Variants in MATCAP2 observed in about 807,000 individuals in gnomAD.
MATCAP2 encodes microtubule associated tyrosine carboxypeptidase 2.
chr7:36,357,677 T>G, the MATCAP2 span: 4 of 959,108 alleles, frequency 4.2e-6, no homozygotes, highest in Non-Finnish European at 6.1e-6. Context: ...ATTCTGAAGA[T>G]TCTATAAACT....
At chr7:36,373,661 G>C in the MATCAP2 span, among the ~76,000 whole-genome samples, 1 of 152,038 alleles carries the variant, frequency 6.6e-6, no homozygotes, top group African/African-American at 2.4e-5. Context: ...GCCTAGACTA[G>C]TCTGGGACTC....
the MATCAP2 span, among the ~76,000 whole-genome samples, chr7:36,342,447 A>C: frequency 0.3 from 45,290 of 151,994 alleles, 7,458 homozygotes; most frequent in South Asian, 0.5. Context: ...ATATTGCAGA[A>C]CACCACCACA....
the MATCAP2 span, among the ~76,000 whole-genome samples, chr7:36,373,104 A>C: frequency 1.7e-4 from 1 of 5,896 alleles, no homozygotes; most frequent in South Asian, 8.2e-3. Flanking sequence ...GACTTCATCT[A>C]AAAAAAAAAA....
chr7:36,367,635 G>A, the MATCAP2 span, among the ~76,000 whole-genome samples: 32 of 152,188 alleles, frequency 2.1e-4, no homozygotes, highest in African/African-American at 6.5e-4. Context: ...ACCACTTGAC[G>A]GTACCTCAGC....
At chr7:36,332,892 A>T in the MATCAP2 span, among the ~76,000 whole-genome samples, 17 of 152,000 alleles carry the variant, frequency 1.1e-4, no homozygotes, top group Non-Finnish European at 2.2e-4. Context: ...GCACCATTGT[A>T]CTCCAGACTA....
chr7:36,352,305 G>C, the MATCAP2 span, among the ~76,000 whole-genome samples: 1 of 150,254 alleles, frequency 6.7e-6, no homozygotes, highest in South Asian at 2.1e-4. Flanking sequence ...GACGAGGCAG[G>C]AGAATCGCTT....
the MATCAP2 span, among the ~76,000 whole-genome samples, chr7:36,351,422 A>G: frequency 5.9e-5 from 9 of 152,058 alleles, no homozygotes; most frequent in Non-Finnish European, 1.2e-4. Flanking sequence ...ATAAAATATG[A>G]AGTCTATAAA....
chr7:36,382,756 G>A, the MATCAP2 span, among the ~76,000 whole-genome samples: 1 of 152,202 alleles, frequency 6.6e-6, no homozygotes, highest in East Asian at 1.9e-4. Flanking sequence ...GCCTCCCTAA[G>A]TGCTGGGATT....
At chr7:36,359,722 A>G in the MATCAP2 span, among the ~76,000 whole-genome samples, 2 of 152,232 alleles carry the variant, frequency 1.3e-5, no homozygotes, top group African/African-American at 4.8e-5. Flanking sequence ...CGTTCATCAT[A>G]GGCTGGTAGC....
chr7:36,373,866 C>T, the MATCAP2 span, among the ~76,000 whole-genome samples: 3 of 151,964 alleles, frequency 2.0e-5, no homozygotes, highest in Non-Finnish European at 4.4e-5. Flanking sequence ...CTCACTGCAA[C>T]TTCCATCTCC....
chr7:36,341,246 T>C, the MATCAP2 span, among the ~76,000 whole-genome samples: 1 of 152,098 alleles, frequency 6.6e-6, no homozygotes, highest in Non-Finnish European at 1.5e-5. Flanking sequence ...GTCAAACCTC[T>C]CTCTTCTCCA....
chr7:36,367,143 C>G, the MATCAP2 span: 3 of 1,221,586 alleles, frequency 2.5e-6, no homozygotes, highest in Non-Finnish European at 3.1e-6. Flanking sequence ...TTCCACCAGC[C>G]CGTAGCTACT....
chr7:36,356,866 TA>T, the MATCAP2 span: 1 of 1,515,362 alleles, frequency 6.6e-7, no homozygotes, highest in Non-Finnish European at 9.2e-7. Context: ...TTTTAGTACA[TA>T]AAAATGAACT....
the MATCAP2 span, among the ~76,000 whole-genome samples, chr7:36,358,192 T>C: frequency 6.6e-6 from 1 of 150,874 alleles, no homozygotes; most frequent in East Asian, 1.9e-4. Context: ...AGTGAGACCC[T>C]ATCTTAAAAA....
At chr7:36,364,913 T>C in the MATCAP2 span, among the ~76,000 whole-genome samples, 1 of 152,262 alleles carries the variant, frequency 6.6e-6, no homozygotes, top group Non-Finnish European at 1.5e-5. Flanking sequence ...TGGTCTCAAA[T>C]GGCTATTTGA....
the MATCAP2 span, among the ~76,000 whole-genome samples, chr7:36,379,064 T>C: frequency 2.0e-5 from 3 of 152,220 alleles, no homozygotes; most frequent in Non-Finnish European, 4.4e-5. Flanking sequence ...CTGGGTGAGG[T>C]GATGCCCTGC....
the MATCAP2 span, among the ~76,000 whole-genome samples, chr7:36,381,424 A>G: frequency 1.3e-5 from 2 of 152,124 alleles, no homozygotes; most frequent in Non-Finnish European, 2.9e-5. Flanking sequence ...TAATCCCATC[A>G]CTTTGGGAAG....
At chr7:36,344,142 A>G in the MATCAP2 span, among the ~76,000 whole-genome samples, 3 of 152,220 alleles carry the variant, frequency 2.0e-5, no homozygotes, top group African/African-American at 7.2e-5. Context: ...ACTGAAAAAG[A>G]AACACTCTCC....
chr7:36,374,073 T>C, the MATCAP2 span, among the ~76,000 whole-genome samples: 34 of 151,658 alleles, frequency 2.2e-4, no homozygotes, highest in Middle Eastern at 6.9e-3. Context: ...TGCCTGGCCA[T>C]TTTATTTTAT....
Sources: gnomAD v4.1 joint callset for allele counts (sites outside exome capture counted in the v4.1 genomes callset) on GRCh38, gnomAD v4.1.1 for gene constraint, MANE v1.5 for transcripts, NCBI Gene and HGNC (gene_info 2026-07-23, HGNC 2026-07-21) for gene names.